Variants in CBLB observed in about 807,000 individuals in gnomAD.
The protein encoded by CBLB is Cbl proto-oncogene B.
Under a neutral mutation model 104.9 loss-of-function variants are expected in CBLB, and 31 were observed. The observed-to-expected ratio is 0.30, with a 90% CI of 0.22 to 0.40. The LOEUF (loss-of-function observed/expected upper bound fraction) is 0.40. Among genes scored for constraint, CBLB ranks in the 10% least tolerant of loss-of-function variants. CBLB has a pLI of 1.00. For missense variants in CBLB, 1,062 were observed against 1,214.6 expected (o/e 0.87, Z 1.87); for synonymous variants, 440 against 422.6 (o/e 1.04, Z -0.51).
intron 3 of CBLB, among the ~76,000 whole-genome samples, chr3:105,792,047 T>C (rs1473870470): frequency 6.6e-6 from 1 of 152,188 alleles, no homozygotes; most frequent in East Asian, 1.9e-4. Flanking sequence ...ATTTGGTCCT[T>C]AGACCATCAG....
At chr3:105,687,939 G>A (rs2067210886) in intron 13 of CBLB, among the ~76,000 whole-genome samples, 1 of 151,840 alleles carries the variant, frequency 6.6e-6, no homozygotes, top group African/African-American at 2.4e-5. Context: ...ATACCATCTG[G>A]AATTACATGT....
chr3:105,696,920 T>C (rs2068464904), intron 12 of CBLB, among the ~76,000 whole-genome samples: 1 of 151,898 alleles, frequency 6.6e-6, no homozygotes, highest in African/African-American at 2.4e-5. Flanking sequence ...CTTTCTGTCA[T>C]ACCTACAAAA....
chr3:105,686,242 A>G lies in CBLB; in HGVS notation c.2055-776T>C, dbSNP rs140237237. Among the ~76,000 whole-genome samples the G allele has an allele frequency of 3.1e-3, 473 of 152,298 alleles. 1 individual carries two copies. Among genetic ancestry groups the G allele is most frequent in the Non-Finnish European group, 5.8e-3 (391 of 67,990 alleles). On this transcript the variant is annotated intron_variant, in intron 13 of 18. Coordinates refer to ENST00000394030, the MANE Select transcript of CBLB (RefSeq NM_170662.5). Reference sequence around the variant, plus strand: ...CCCAAACAAATGGGCAAACATAAACAATGTTTTTCGTAACTGTTGCTACCA... The same window carrying G: ...CCCAAACAAATGGGCAAACATAAACGATGTTTTTCGTAACTGTTGCTACCA...
intron 4 of CBLB, among the ~76,000 whole-genome samples, chr3:105,756,348 T>C (rs1234201193): frequency 6.6e-6 from 1 of 152,042 alleles, no homozygotes; most frequent in Non-Finnish European, 1.5e-5. Context: ...AACTAGAAAA[T>C]GAAACTTTAA....
chr3:105,855,693 G>A (rs1176065468), intron 2 of CBLB, among the ~76,000 whole-genome samples: 3 of 152,046 alleles, frequency 2.0e-5, no homozygotes, highest in African/African-American at 4.8e-5. Context: ...ATGCGGTAAC[G>A]GAAGATAATC....
At chr3:105,741,098 T>TTTC (rs1553758219) in intron 6 of CBLB, among the ~76,000 whole-genome samples, 1 of 86,736 alleles carries the variant, frequency 1.2e-5, no homozygotes, top group African/African-American at 4.0e-5. Flanking sequence ...AATTAGGGTT[T>TTTC]TTTTTTTTTT....
At chr3:105,805,222 A>T (rs2083354145) in intron 3 of CBLB, among the ~76,000 whole-genome samples, 2 of 152,260 alleles carry the variant, frequency 1.3e-5, no homozygotes, top group Admixed American at 6.5e-5. Context: ...TCTGAGCATG[A>T]CATTCATTCT....
chr3:105,668,351 T>C (rs1421726560), intron 18 of CBLB, among the ~76,000 whole-genome samples: 1 of 152,144 alleles, frequency 6.6e-6, no homozygotes, highest in Non-Finnish European at 1.5e-5. Context: ...CAACACCCAC[T>C]TATTATGGAG....
At chr3:105,755,934 A>C (rs2077043502) in intron 4 of CBLB, among the ~76,000 whole-genome samples, 1 of 152,212 alleles carries the variant, frequency 6.6e-6, no homozygotes, top group African/African-American at 2.4e-5. Flanking sequence ...TGTTCATGGG[A>C]TACTACTAAA....
chr3:105,765,544 C>T (rs959719828), intron 4 of CBLB, among the ~76,000 whole-genome samples: 1 of 152,096 alleles, frequency 6.6e-6, no homozygotes, highest in Non-Finnish European at 1.5e-5. Context: ...CTTCAAAGGA[C>T]AGGCTGACTC....
intron 12 of CBLB, among the ~76,000 whole-genome samples, chr3:105,700,828 C>T (rs1210609691): frequency 1.3e-5 from 2 of 152,186 alleles, no homozygotes; most frequent in East Asian, 1.9e-4. Flanking sequence ...TACTGTCATA[C>T]AAAGTGTTCA....
chr3:105,727,815 TTTG>T (rs1376027273), intron 9 of CBLB, among the ~76,000 whole-genome samples: 1 of 152,052 alleles, frequency 6.6e-6, no homozygotes, highest in East Asian at 1.9e-4. Flanking sequence ...TTCCCCATTG[TTTG>T]TTGTTGTCAG....
chr3:105,798,777 C>G (rs2082516610), intron 3 of CBLB, among the ~76,000 whole-genome samples: 1 of 152,010 alleles, frequency 6.6e-6, no homozygotes, highest in South Asian at 2.1e-4. Flanking sequence ...TGCATTTATG[C>G]AAACACAAGA....
At chr3:105,665,963 T>C (rs1430191679) in intron 18 of CBLB, among the ~76,000 whole-genome samples, 3 of 151,466 alleles carry the variant, frequency 2.0e-5, no homozygotes, top group Non-Finnish European at 4.4e-5. Flanking sequence ...GAGGTGGAGG[T>C]TGCAGTGAGC....
chr3:105,732,625 TA>T (rs2074434464), intron 9 of CBLB, among the ~76,000 whole-genome samples: 1 of 152,152 alleles, frequency 6.6e-6, no homozygotes, highest in African/African-American at 2.4e-5. Flanking sequence ...CCTCATCCAT[TA>T]AAAAAATATT....
At chr3:105,786,057 G>A (rs2080951157) in intron 3 of CBLB, among the ~76,000 whole-genome samples, 1 of 28,670 alleles carries the variant, frequency 3.5e-5, no homozygotes, top group Non-Finnish European at 7.8e-5. Flanking sequence ...CTGTGTGAGA[G>A]GATCGGGGGG....
At chr3:105,817,931 A>G (rs1377182010) in intron 3 of CBLB, among the ~76,000 whole-genome samples, 1 of 152,212 alleles carries the variant, frequency 6.6e-6, no homozygotes, top group African/African-American at 2.4e-5. Context: ...TTATTATTTT[A>G]AATCATGATG....
intron 10 of CBLB, among the ~76,000 whole-genome samples, chr3:105,706,709 T>C (rs1180976843): frequency 6.6e-6 from 1 of 152,200 alleles, no homozygotes; most frequent in Non-Finnish European, 1.5e-5. Context: ...AAATGCTTTG[T>C]TGATATGGCT....
intron 3 of CBLB, among the ~76,000 whole-genome samples, chr3:105,815,082 T>A (rs781005923): frequency 1.3e-5 from 2 of 152,080 alleles, no homozygotes; most frequent in Non-Finnish European, 2.9e-5. Flanking sequence ...GCATAAGAAA[T>A]TCTCTCTCTT....
Sources: allele counts gnomAD v4.1 joint callset (sites outside exome capture counted in the v4.1 genomes callset), GRCh38; gene constraint gnomAD v4.1.1; transcripts MANE v1.5; gene names NCBI Gene and HGNC (gene_info 2026-07-23, HGNC 2026-07-21).